WDR7: variants seen among roughly 807,000 people sequenced by gnomAD.
WDR7 encodes WD repeat domain 7, also known as WD repeat-containing protein 7.
WDR7 carries 46 observed loss-of-function variants against 169.4 expected under a neutral mutation model. The observed-to-expected ratio is 0.27, with a 90% CI of 0.21 to 0.35. The LOEUF is 0.35. Among genes scored for constraint, WDR7 ranks in the 10% least tolerant of loss-of-function variants. WDR7 has a pLI of 1.00. For missense variants in WDR7, 1,534 were observed against 1,859.3 expected (o/e 0.83, Z 3.22); for synonymous variants, 612 against 666.8 (o/e 0.92, Z 1.27).
chr18:56,679,347 C>T lies in WDR7; in HGVS notation c.175C>T (p.Leu59=). ...GCATTTCTAGATTAATCCTCGAGCACTGTTGTTTGGTCATACAGCATCAAT... is the reference window on the plus strand; with the variant it reads ...GCATTTCTAGATTAATCCTCGAGCATTGTTGTTTGGTCATACAGCATCAAT... The part of the protein sequence containing the change: ...SVELQINPRA[L]LFGHTASITC... The change falls in exon 3 of 28, where the codon CTG becomes TTG. Residue 59 remains leucine, a synonymous_variant. Coordinates refer to ENST00000254442, the MANE Select transcript of WDR7 (RefSeq NM_015285.3). 1 of 1,610,630 alleles carries T rather than the reference C, an allele frequency of 6.2e-7. No homozygotes were observed. The highest frequency in any genetic ancestry group is 1.7e-5 in the Admixed American group (1 of 59,974).
chr18:56,995,270 A>G, intron 26 of WDR7, among the ~76,000 whole-genome samples: 1 of 152,230 alleles, frequency 6.6e-6, no homozygotes, highest in Non-Finnish European at 1.5e-5. Flanking sequence ...AATTCATAGG[A>G]TGGGTTCCTC....
At chr18:56,684,761 A>C (rs934520569) in intron 5 of WDR7, among the ~76,000 whole-genome samples, 2 of 152,176 alleles carry the variant, frequency 1.3e-5, no homozygotes, top group African/African-American at 2.4e-5. Flanking sequence ...ATCTCTGGTT[A>C]AATATATTTG....
In WDR7 at chr18:56,756,591, A is replaced by G; in HGVS notation, c.1998A>G (p.Leu666=). Reference sequence around the variant, plus strand: ...AAAAATATTTATTACAGGGAAATTTACCTAAATATTCTCATAACTCCCTGA... The same window carrying G: ...AAAAATATTTATTACAGGGAAATTTGCCTAAATATTCTCATAACTCCCTGA... ...LASEASDKGN[L]PKYSHNSLMV... is the part of the protein sequence containing the mutation. Residue 666 remains leucine, a synonymous_variant, in exon 15 of 28, where the codon TTA becomes TTG. Coordinates refer to ENST00000254442, the MANE Select transcript of WDR7 (RefSeq NM_015285.3). The G allele has an allele frequency of 1.3e-6, 2 of 1,572,546 alleles. No individual in the cohort carries two copies. Among genetic ancestry groups the G allele is most frequent in the South Asian group, 1.2e-5 (1 of 83,532 alleles).
chr18:56,856,954 G>A (rs529607030), intron 20 of WDR7, among the ~76,000 whole-genome samples: 16 of 152,262 alleles, frequency 1.1e-4, no homozygotes, highest in Non-Finnish European at 1.9e-4. Flanking sequence ...TCCCTAAAAG[G>A]AGAAAGTTAT....
At chr18:56,799,142 T>G (rs577193287) in intron 19 of WDR7, among the ~76,000 whole-genome samples, 6 of 152,264 alleles carry the variant, frequency 3.9e-5, no homozygotes, top group Admixed American at 2.6e-4. Flanking sequence ...ATAGAGATGG[T>G]GAAGGACTCA....
chr18:56,983,432 C>T (rs867552243), intron 26 of WDR7, among the ~76,000 whole-genome samples: 2 of 152,180 alleles, frequency 1.3e-5, no homozygotes, highest in South Asian at 2.1e-4. Flanking sequence ...AAAATGGAAA[C>T]CTGCTTCTAA....
intron 20 of WDR7, among the ~76,000 whole-genome samples, chr18:56,870,920 ATT>A (rs960330754): frequency 1.3e-5 from 2 of 152,214 alleles, no homozygotes; most frequent in Non-Finnish European, 2.9e-5. Flanking sequence ...ACTATCATGT[ATT>A]GTTTTAAACT....
chr18:56,894,610 G>A (rs2046306476), intron 21 of WDR7, among the ~76,000 whole-genome samples: 1 of 151,860 alleles, frequency 6.6e-6, no homozygotes, highest in African/African-American at 2.4e-5. Flanking sequence ...CTTTTTTAAA[G>A]TATTTGTTGC....
chr18:56,707,946 C>A (rs987318893), intron 12 of WDR7, among the ~76,000 whole-genome samples: 3 of 151,720 alleles, frequency 2.0e-5, no homozygotes, highest in Admixed American at 1.3e-4. Flanking sequence ...AGGACAGTAT[C>A]TGTCAACCCG....
intron 12 of WDR7, among the ~76,000 whole-genome samples, chr18:56,711,971 G>GGGAAAGACATGCCCA (rs1311583726): frequency 1.3e-5 from 2 of 152,222 alleles, no homozygotes; most frequent in African/African-American, 2.4e-5. Flanking sequence ...TGATGGGCAT[G>GGGAAAGACATGCCCA]TTTAAAAGGA....
intron 20 of WDR7, among the ~76,000 whole-genome samples, chr18:56,832,814 A>G (rs2045336323): frequency 6.6e-6 from 1 of 152,162 alleles, no homozygotes; most frequent in Non-Finnish European, 1.5e-5. Context: ...GAACACCCAC[A>G]CAAAAACCCC....
chr18:56,841,188 A>C lies in WDR7; in HGVS notation c.3304+25044A>C, dbSNP rs76982560. Among the ~76,000 whole-genome samples, 1,349 of 150,642 alleles carry C rather than the reference A, an allele frequency of 9.0e-3. 69 individuals carry two copies. In the East Asian group the frequency reaches 0.16, roughly 18 times the overall value. On this transcript the variant is annotated intron_variant, in intron 20 of 27. Transcript: ENST00000254442. ...AGCCTGGGTGACAGAGTGAGACTCCATCTCAAATAAATAAATAATATAAAA... is the reference window on the plus strand; with the variant it reads ...AGCCTGGGTGACAGAGTGAGACTCCCTCTCAAATAAATAAATAATATAAAA...
intron 25 of WDR7, among the ~76,000 whole-genome samples, chr18:56,952,548 TAA>T (rs1421768743): frequency 6.6e-6 from 1 of 152,150 alleles, no homozygotes; most frequent in African/African-American, 2.4e-5. Flanking sequence ...AATCCTACAC[TAA>T]GACTATTTAA....
At chr18:56,671,835 A>T (rs1239359902) in intron 1 of WDR7, among the ~76,000 whole-genome samples, 2 of 152,206 alleles carry the variant, frequency 1.3e-5, no homozygotes, top group African/African-American at 2.4e-5. Flanking sequence ...AATGGAGTTT[A>T]TATATGTACT....
rs184422734 is a variant in WDR7 at position 56,879,856 on chromosome 18, G to A, written c.3305-88G>A. On this transcript the variant is annotated intron_variant, in intron 20 of 27. Coordinates refer to ENST00000254442, the MANE Select transcript of WDR7 (RefSeq NM_015285.3). ...ATTTGCTGAAAATGCTATTCTTTCC[G>A]AACGTGCAGTCCTGAATGTTTTTCT... 5.5e-4 allele frequency: 580 copies of A among 1,057,464 alleles called. 1 individual carries two copies. In the African/African-American group the frequency reaches 8.1e-3, roughly 15 times the overall value. 65.5% of individuals were successfully genotyped at this position (1,057,464 alleles called of 1,614,324 possible).
intron 12 of WDR7, among the ~76,000 whole-genome samples, chr18:56,712,077 A>C (rs2026098996): frequency 6.6e-6 from 1 of 152,228 alleles, no homozygotes; most frequent in Non-Finnish European, 1.5e-5. Context: ...TGATATGAAG[A>C]AAAAGAGTAA....
At chr18:56,898,399 A>C (rs1378163961) in intron 21 of WDR7, among the ~76,000 whole-genome samples, 1 of 152,094 alleles carries the variant, frequency 6.6e-6, no homozygotes, top group Non-Finnish European at 1.5e-5. Flanking sequence ...GGATGTTAAA[A>C]TCAGTATATT....
intron 20 of WDR7, among the ~76,000 whole-genome samples, chr18:56,827,037 G>A (rs1028755999): frequency 6.6e-6 from 1 of 152,152 alleles, no homozygotes; most frequent in Non-Finnish European, 1.5e-5. Context: ...CTTAGTTAAG[G>A]GTAGGAGTTA....
At chr18:56,746,226 A>G (rs1043058184) in intron 14 of WDR7, among the ~76,000 whole-genome samples, 2 of 152,170 alleles carry the variant, frequency 1.3e-5, no homozygotes, top group African/African-American at 4.8e-5. Flanking sequence ...ATATCCAAAG[A>G]TCTGTTAATG....
Sources: gnomAD v4.1 joint callset for allele counts (sites outside exome capture counted in the v4.1 genomes callset) on GRCh38, gnomAD v4.1.1 for gene constraint, MANE v1.5 for transcripts, NCBI Gene and HGNC (gene_info 2026-07-23, HGNC 2026-07-21) for gene names.